The following NCALD variants were observed in gnomAD, a reference collection of about 807,000 sequenced individuals.
NCALD encodes neurocalcin-delta.
A neutral mutation model predicts 18.6 loss-of-function variants in NCALD; 10 were observed. The observed-to-expected ratio is 0.54, with a 90% CI of 0.33 to 0.91. The LOEUF is 0.91. Among genes scored for constraint, NCALD ranks in the 40% least tolerant of loss-of-function variants. The probability of loss-of-function intolerance (pLI) is 0.03; values close to 1 mark genes in which losing one functional copy is unlikely to be tolerated. For missense variants in NCALD, 184 were observed against 247.6 expected (o/e 0.74, Z 1.72); for synonymous variants, 88 against 87.4 (o/e 1.01, Z -0.04).
intron 2 of NCALD, among the ~76,000 whole-genome samples, chr8:102,011,815 T>A (rs1442833910): frequency 6.6e-6 from 1 of 152,220 alleles, no homozygotes; most frequent in African/African-American, 2.4e-5. Context: ...TAATTTAAGA[T>A]CATCCTTCCT....
At chr8:101,727,906 C>T (rs1277217404) in intron 1 of NCALD, among the ~76,000 whole-genome samples, 2 of 152,212 alleles carry the variant, frequency 1.3e-5, no homozygotes, top group Non-Finnish European at 2.9e-5. Context: ...ACTGCGCACC[C>T]TTTTCTATTA....
intron 3 of NCALD, among the ~76,000 whole-genome samples, chr8:101,889,192 G>A (rs777209771): frequency 6.6e-6 from 1 of 152,222 alleles, no homozygotes; most frequent in African/African-American, 2.4e-5. Flanking sequence ...GAAGTCACAA[G>A]CATGAAAACA....
chr8:101,916,156 T>C (rs1167425411), intron 2 of NCALD, among the ~76,000 whole-genome samples: 1 of 152,100 alleles, frequency 6.6e-6, no homozygotes, highest in African/African-American at 2.4e-5. Flanking sequence ...GAGAGTTAAG[T>C]GAAGGAATAC....
chr8:101,957,402 T>C (rs1179410307), intron 2 of NCALD, among the ~76,000 whole-genome samples: 1 of 137,492 alleles, frequency 7.3e-6, no homozygotes, highest in East Asian at 2.3e-4. Flanking sequence ...ACCCAGGAAA[T>C]CAAATGAAAT....
intron 2 of NCALD, among the ~76,000 whole-genome samples, chr8:101,984,370 CAT>C (rs1820728601): frequency 6.6e-6 from 1 of 152,142 alleles, no homozygotes; most frequent in South Asian, 2.1e-4. Context: ...CAATATATAT[CAT>C]TGTGACATCA....
chr8:102,055,939 G>C (rs966788524), intron 1 of NCALD, among the ~76,000 whole-genome samples: 1 of 152,116 alleles, frequency 6.6e-6, no homozygotes, highest in African/African-American at 2.4e-5. Context: ...GGAGCTCATG[G>C]TCGGCACAAA....
At chr8:102,122,354 C>T (rs1488929336) in intron 1 of NCALD, among the ~76,000 whole-genome samples, 2 of 152,164 alleles carry the variant, frequency 1.3e-5, no homozygotes, top group African/African-American at 4.8e-5. Flanking sequence ...CCACAGAAAA[C>T]CTCTAAAGGA....
intron 3 of NCALD, among the ~76,000 whole-genome samples, chr8:101,894,976 C>A (rs1440484309): frequency 2.7e-5 from 4 of 150,778 alleles, no homozygotes; most frequent in African/African-American, 9.9e-5. Context: ...CTACTCCAAT[C>A]AATAGAAAAA....
At chr8:102,046,279 A>G (rs1823236392) in intron 1 of NCALD, among the ~76,000 whole-genome samples, 1 of 152,140 alleles carries the variant, frequency 6.6e-6, no homozygotes, top group Non-Finnish European at 1.5e-5. Context: ...TTCCTTTACC[A>G]TATCTCACAA....
intron 1 of NCALD, among the ~76,000 whole-genome samples, chr8:102,112,668 G>A (rs1365406520): frequency 3.3e-5 from 5 of 152,166 alleles, no homozygotes; most frequent in African/African-American, 9.7e-5. Flanking sequence ...CAAATCTTAT[G>A]TTGAAATCTG....
chr8:101,987,021 G>A (rs1433747948), intron 2 of NCALD, among the ~76,000 whole-genome samples: 1 of 152,182 alleles, frequency 6.6e-6, no homozygotes, highest in Non-Finnish European at 1.5e-5. Flanking sequence ...CACCTACACA[G>A]AGGGTTTATC....
intron 4 of NCALD, among the ~76,000 whole-genome samples, chr8:101,829,931 C>T (rs190849805): frequency 3.2e-4 from 46 of 145,802 alleles, no homozygotes; most frequent in African/African-American, 1.1e-3. Context: ...TTATTTCCAC[C>T]ATTTTTAATA....
intron 2 of NCALD, among the ~76,000 whole-genome samples, chr8:101,985,560 G>A (rs1185950312): frequency 2.6e-5 from 4 of 152,194 alleles, no homozygotes; most frequent in African/African-American, 9.7e-5. Context: ...TAAAAACTGT[G>A]AAAGGCTAAA....
At chr8:101,829,964 A>T (rs1814100429) in intron 4 of NCALD, among the ~76,000 whole-genome samples, 1 of 141,396 alleles carries the variant, frequency 7.1e-6, no homozygotes, top group Admixed American at 7.2e-5. Context: ...ACATTTACCC[A>T]GTCACATGGG....
intron 3 of NCALD, among the ~76,000 whole-genome samples, chr8:101,891,601 T>C (rs999181459): frequency 2.0e-5 from 3 of 152,152 alleles, no homozygotes; most frequent in East Asian, 1.9e-4. Context: ...ATCTGAGGTA[T>C]CGGGTTCATC....
intron 2 of NCALD, among the ~76,000 whole-genome samples, chr8:101,919,664 G>A (rs1419023549): frequency 4.0e-5 from 6 of 150,364 alleles, no homozygotes; most frequent in African/African-American, 1.5e-4. Flanking sequence ...AATCTATAAG[G>A]AGCTTAAACT....
chr8:101,985,312 C>T (rs542201761), intron 2 of NCALD, among the ~76,000 whole-genome samples: 1 of 152,284 alleles, frequency 6.6e-6, no homozygotes, highest in African/African-American at 2.4e-5. Flanking sequence ...CCCACCCCAG[C>T]TGATGGTATG....
intron 2 of NCALD, among the ~76,000 whole-genome samples, chr8:101,704,498 C>T: frequency 6.6e-6 from 1 of 152,046 alleles, no homozygotes; most frequent in East Asian, 1.9e-4. Context: ...CTGGTATCTG[C>T]CAGCTGACAC....
rs148785272 is a variant in NCALD, at chr8:102,032,951, A to G, written c.-209-12662T>C. On this transcript the variant is annotated intron_variant, in intron 1 of 6. Coordinates refer to the NCALD transcript ENST00000311028. ...ACCCTGCGAACAGCAGGGGCCAGCA[A>G]TGAGTCCAGGTGGACTAGTTAGTCA... Among the ~76,000 whole-genome samples, 27 of 152,336 alleles carry G rather than the reference A, an allele frequency of 1.8e-4. No individual in the cohort carries two copies. The East Asian group carries it at 5.0e-3, about 28-fold the overall frequency.
Sources: gnomAD v4.1 joint callset for allele counts (sites outside exome capture counted in the v4.1 genomes callset) on GRCh38, gnomAD v4.1.1 for gene constraint, MANE v1.5 for transcripts, NCBI Gene and HGNC (gene_info 2026-07-23, HGNC 2026-07-21) for gene names.